ARID1B: variants seen among roughly 807,000 people sequenced by gnomAD.
ARID1B encodes AT-rich interactive domain-containing protein 1B.
In ARID1B, 30 loss-of-function variants were observed where a neutral mutation model predicts 212.3. That is an observed-to-expected ratio of 0.14 (90% CI 0.11 to 0.19). The LOEUF is 0.19. Ranked by LOEUF, ARID1B falls within the 10% of genes least tolerant of loss-of-function variation. The pLI, the probability that ARID1B is intolerant of heterozygous loss-of-function variation, is 1.00. For synonymous variants in ARID1B, 1,402 were observed against 1,301.7 expected, an observed-to-expected ratio of 1.08 and a Z score of -1.66; for missense variants, 2,891 against 3,204.0, an observed-to-expected ratio of 0.90 and a Z score of 2.36.
In ARID1B at chr6:156,912,386, C is replaced by G. The variant is rs558474839; in HGVS notation, c.2136+10861C>G. 2.4e-4 allele frequency among the ~76,000 whole-genome samples: 37 copies of G among 152,024 alleles called. No homozygotes were observed. The East Asian group carries it at 3.1e-3, about 13-fold the overall frequency. On this transcript the variant is annotated intron_variant, in intron 3 of 19. Coordinates refer to ENST00000636930, the MANE Select transcript of ARID1B (RefSeq NM_001374828.1). ...TCCTGCATGTACTCTTAAATACTCA[C>G]CAGCCCCATCTTATTAAACCTATTT...
At chr6:156,919,744 A>T (rs1238535629) in intron 3 of ARID1B, among the ~76,000 whole-genome samples, 3 of 152,216 alleles carry the variant, frequency 2.0e-5, no homozygotes, top group Non-Finnish European at 4.4e-5. Context: ...AGGCAGGAGG[A>T]TCCCTGAGCC....
At chr6:157,116,587 C>T (rs1787335322) in intron 6 of ARID1B, among the ~76,000 whole-genome samples, 1 of 150,740 alleles carries the variant, frequency 6.6e-6, no homozygotes, top group Non-Finnish European at 1.5e-5. Flanking sequence ...AAGCAGAACC[C>T]CTAGGAACTT....
chr6:157,159,088 C>CCT (rs2128273641), intron 8 of ARID1B, among the ~76,000 whole-genome samples: 1 of 152,324 alleles, frequency 6.6e-6, no homozygotes, highest in East Asian at 1.9e-4. Flanking sequence ...TGCTACCCCC[C>CCT]TGTGGCTCTA....
At chr6:156,779,692 C>A (rs1161598701) in intron 1 of ARID1B, 1 of 220,692 alleles carries the variant, frequency 4.5e-6, no homozygotes, top group Non-Finnish European at 7.9e-6. Context: ...CGGGCCGGGC[C>A]GGGCCGGGTG....
intron 4 of ARID1B, among the ~76,000 whole-genome samples, chr6:157,001,714 T>TA (rs1395074585): frequency 6.6e-6 from 1 of 152,210 alleles, no homozygotes; most frequent in Non-Finnish European, 1.5e-5. Flanking sequence ...ATTCCTGGGC[T>TA]TATAAGCATT....
At chr6:156,963,319 A>G (rs1289043082) in intron 4 of ARID1B, among the ~76,000 whole-genome samples, 1 of 151,916 alleles carries the variant, frequency 6.6e-6, no homozygotes, top group Non-Finnish European at 1.5e-5. Context: ...CATAGTTAAT[A>G]TTTTCATTAT....
intron 4 of ARID1B, among the ~76,000 whole-genome samples, chr6:157,034,093 T>TC (rs1781176755): frequency 6.6e-6 from 1 of 152,180 alleles, no homozygotes; most frequent in Non-Finnish European, 1.5e-5. Context: ...TTTTTAAGTC[T>TC]CCCCACATCA....
chr6:157,100,906 C>T (rs1786007935), intron 5 of ARID1B, among the ~76,000 whole-genome samples: 1 of 152,096 alleles, frequency 6.6e-6, no homozygotes, highest in Admixed American at 6.6e-5. Flanking sequence ...TAAATACAAC[C>T]CATAGTAAGA....
At chr6:156,857,848 T>C (rs1785057421) in intron 2 of ARID1B, among the ~76,000 whole-genome samples, 1 of 152,222 alleles carries the variant, frequency 6.6e-6, no homozygotes, top group Non-Finnish European at 1.5e-5. Context: ...CAGAGCCTGA[T>C]GCTCCTAGGC....
chr6:156,902,735 C>CAAA lies in ARID1B; in HGVS notation c.2136+1235_2136+1237dup, dbSNP rs869259426. On this transcript the variant is annotated intron_variant, in intron 3 of 19. Transcript: ENST00000636930. ...CTTGCAACAGAGTGAGACTCTGTCT[C>CAAA]AAAAAAAAAAAAAAAAAAAAAAAAA... is the stretch of plus-strand genomic sequence containing the variant. Among the ~76,000 whole-genome samples, 249 of 61,662 alleles carry CAAA rather than the reference C, an allele frequency of 4.0e-3. 19 individuals are homozygous for CAAA. Among genetic ancestry groups the CAAA allele is most frequent in the Non-Finnish European group, 5.4e-3 (160 of 29,894 alleles). 40.5% of individuals were successfully genotyped at this position (61,662 alleles called of 152,430 possible). A position where few individuals can be genotyped will look rare whatever the true frequency, so the allele number is the denominator to read the frequency against.
At chr6:156,970,778 C>T (rs1025139892) in intron 4 of ARID1B, among the ~76,000 whole-genome samples, 3 of 152,196 alleles carry the variant, frequency 2.0e-5, no homozygotes, top group Admixed American at 6.5e-5. Context: ...TGCCTTTTGC[C>T]CTCTGAATGA....
At chr6:157,062,671 G>A (rs1463436253) in intron 4 of ARID1B, among the ~76,000 whole-genome samples, 2 of 148,932 alleles carry the variant, frequency 1.3e-5, no homozygotes, top group African/African-American at 4.9e-5. Context: ...CAAAGTGTCT[G>A]TTAATCTGGT....
At chr6:157,030,831 G>A (rs1780974554) in intron 4 of ARID1B, among the ~76,000 whole-genome samples, 1 of 152,132 alleles carries the variant, frequency 6.6e-6, no homozygotes, top group South Asian at 2.1e-4. Flanking sequence ...TATTTATTGG[G>A]TCCCTGTATA....
chr6:157,180,939 C>T, intron 11 of ARID1B, 30 bp from the exon 12 acceptor site: 7 of 1,596,398 alleles, frequency 4.4e-6, no homozygotes, highest in Non-Finnish European at 2.6e-6. Context: ...CACCCATGCC[C>T]CACCTCCACA....
rs1168537042 is a variant in ARID1B at position 157,206,461 on chromosome 6, C to G, written c.5689C>G (p.Pro1897Ala). The G allele has an allele frequency of 1.9e-6, 3 of 1,613,894 alleles. No homozygotes were observed. Among genetic ancestry groups the G allele is most frequent in the African/African-American group, 1.3e-5 (1 of 74,888 alleles). ...ALTAPDAAADPKEKPKQASKF... is the reference protein window; with the variant it reads ...ALTAPDAAADAKEKPKQASKF... ...GACTGCCCCGGACGCCGCTGCAGAC[C>G]CAAAGGAGAAGCCCAAGCAAGCCAG... Residue 1897 changes from proline to alanine, a missense_variant, in exon 20 of 20, where the codon CCA (proline) becomes GCA (alanine). Around this residue, in one of 7 missense-constraint regions of ARID1B, gnomAD observed 332 missense variants for 369.2 expected, o/e 0.90. Coordinates refer to ENST00000636930, the MANE Select transcript of ARID1B (RefSeq NM_001374828.1). The surrounding 1 kb of genome is among the most constrained non-coding windows in gnomAD (Gnocchi z 6.8).
At chr6:156,808,496 C>A (rs2127974113) in intron 1 of ARID1B, among the ~76,000 whole-genome samples, 1 of 152,320 alleles carries the variant, frequency 6.6e-6, no homozygotes, top group African/African-American at 2.4e-5. Flanking sequence ...TGAACCAGAG[C>A]AGCCCTGTTA....
chr6:157,173,806 T>A (rs778217212), intron 9 of ARID1B: 20 of 487,074 alleles, frequency 4.1e-5, no homozygotes, highest in Non-Finnish European at 6.1e-5. Context: ...CCCTTTTTTT[T>A]AGATAAAAAA....
At chr6:157,165,274 A>C (rs1430656861) in intron 8 of ARID1B, among the ~76,000 whole-genome samples, 1 of 152,212 alleles carries the variant, frequency 6.6e-6, no homozygotes, top group Admixed American at 6.5e-5. Context: ...AGTTATTCAA[A>C]GTGGACTGTC....
chr6:156,887,135 G>A (rs1787569058), intron 2 of ARID1B, among the ~76,000 whole-genome samples: 1 of 152,202 alleles, frequency 6.6e-6, no homozygotes. Flanking sequence ...GGCGACAGAA[G>A]ACTCATGCTC....
Sources: allele counts gnomAD v4.1 joint callset (sites outside exome capture counted in the v4.1 genomes callset), GRCh38; gene constraint gnomAD v4.1.1; regional missense constraint gnomAD v4.1.1; non-coding constraint Gnocchi (gnomAD v3.1); transcripts MANE v1.5; gene names NCBI Gene and HGNC (gene_info 2026-07-23, HGNC 2026-07-21).